PPP1R14C: variants seen among roughly 807,000 people sequenced by gnomAD.
The protein encoded by PPP1R14C is protein phosphatase 1 regulatory subunit 14C.
PPP1R14C carries 16 observed loss-of-function variants against 20.4 expected under a neutral mutation model. The ratio of observed to expected loss-of-function variants is 0.78; its 90% CI spans 0.53 to 1.19. The LOEUF (loss-of-function observed/expected upper bound fraction) is 1.19, where lower values mean the gene tolerates loss of function less well. PPP1R14C is among the 50% of genes most tolerant of loss of function. The pLI, the probability that PPP1R14C is intolerant of heterozygous loss-of-function variation, is 0.00. For missense variants in PPP1R14C, 211 were observed against 220.1 expected (o/e 0.96, Z 0.26); for synonymous variants, 91 against 91.0 (o/e 1.00, Z 0.00).
In PPP1R14C at chr6:150,208,828, G is replaced by A. The variant is rs980469899; in HGVS notation, c.307-5916G>A. On this transcript the variant is annotated intron_variant, in intron 1 of 3. Transcript: ENST00000361131. ...CCAATGTGTAAACACAGAGCAGCCC[G>A]GCACAGCGTGGTTATAGCACGGCTG... 4.6e-5 allele frequency among the ~76,000 whole-genome samples: 7 copies of A among 151,518 alleles called. No individual in the cohort carries two copies. In the South Asian group the frequency reaches 8.6e-4, roughly 19 times the overall value.
chr6:150,178,723 C>T (rs909599483), intron 1 of PPP1R14C, among the ~76,000 whole-genome samples: 6 of 152,156 alleles, frequency 3.9e-5, no homozygotes, highest in African/African-American at 1.2e-4. Flanking sequence ...GGTCTTTATA[C>T]TGTTGTTTAT....
chr6:150,143,115 G>C lies in PPP1R14C; in HGVS notation c.-78G>C. The C allele has an allele frequency of 1.7e-6, 2 of 1,163,894 alleles. No individual in the cohort carries two copies. The highest frequency in any genetic ancestry group is 8.5e-5 in the South Asian group (2 of 23,556). The allele number at this position is 1,163,894 out of a possible 1,614,324, so 72.1% of individuals were successfully genotyped here. A position where few individuals can be genotyped will look rare whatever the true frequency, so the allele number is the denominator to read the frequency against. The stretch of plus-strand genomic sequence containing the variant: ...GGAGCCCTTCGCATGCGGCTGCCGG[G>C]CCGGAGGTGGTAGCGGCGCCGGGCG... On this transcript the variant is annotated 5_prime_UTR_variant, in exon 1 of 4. Coordinates refer to ENST00000361131, the MANE Select transcript of PPP1R14C (RefSeq NM_030949.3). This position sits in a 1 kb window ranked among gnomAD's most constrained non-coding sequence, Gnocchi z 5.6.
intron 3 of PPP1R14C, among the ~76,000 whole-genome samples, chr6:150,224,110 C>G (rs531925133): frequency 2.0e-5 from 3 of 152,282 alleles, no homozygotes; most frequent in South Asian, 4.1e-4. Context: ...AAAAGCCTAC[C>G]TTTGCTCCTT....
intron 2 of PPP1R14C, among the ~76,000 whole-genome samples, chr6:150,216,523 G>A (rs565150441): frequency 1.3e-5 from 2 of 150,904 alleles, no homozygotes; most frequent in Non-Finnish European, 1.5e-5. Context: ...AACAAAACTG[G>A]TCAAGGGTTA....
At chr6:150,154,024 T>C (rs2114853553) in intron 1 of PPP1R14C, among the ~76,000 whole-genome samples, 1 of 152,362 alleles carries the variant, frequency 6.6e-6, no homozygotes, top group Non-Finnish European at 1.5e-5. Flanking sequence ...GACCATATGA[T>C]TGAAAGCTCT....
At chr6:150,203,684 GTCTTC>G (rs56224389) in intron 1 of PPP1R14C, among the ~76,000 whole-genome samples, 18,643 of 152,162 alleles carry the variant, frequency 0.12, 1,296 homozygotes, top group South Asian at 0.26. Flanking sequence ...CAGGGGAACC[GTCTTC>G]TCTCCAAGAA....
chr6:150,242,954 G>A (rs1032325307), intron 3 of PPP1R14C, among the ~76,000 whole-genome samples: 7 of 151,972 alleles, frequency 4.6e-5, no homozygotes, highest in African/African-American at 1.7e-4. Context: ...ATATTAAATA[G>A]GAATATATCT....
intron 1 of PPP1R14C, among the ~76,000 whole-genome samples, chr6:150,206,817 G>A (rs530043187): frequency 1.2e-4 from 18 of 152,116 alleles, no homozygotes; most frequent in African/African-American, 4.3e-4. Context: ...TGGAGTCAAT[G>A]GAGTCAGGTT....
At chr6:150,147,380 A>G (rs768640729) in intron 1 of PPP1R14C, among the ~76,000 whole-genome samples, 1 of 151,980 alleles carries the variant, frequency 6.6e-6, no homozygotes, top group Non-Finnish European at 1.5e-5. Flanking sequence ...GGGTTTCACT[A>G]TGTTGGCCAG....
chr6:150,229,916 G>A (rs1248694757), intron 3 of PPP1R14C, among the ~76,000 whole-genome samples: 1 of 152,196 alleles, frequency 6.6e-6, no homozygotes, highest in Non-Finnish European at 1.5e-5. Flanking sequence ...TCAGTGGTGA[G>A]TGATGGTGGG....
chr6:150,214,471 T>C (rs1034545205), intron 1 of PPP1R14C, among the ~76,000 whole-genome samples: 9 of 151,440 alleles, frequency 5.9e-5, no homozygotes, highest in African/African-American at 2.2e-4. Flanking sequence ...TACTCTCCTT[T>C]TCCTTCCTTC....
intron 3 of PPP1R14C, among the ~76,000 whole-genome samples, chr6:150,246,036 G>A (rs1374436449): frequency 5.9e-5 from 9 of 152,064 alleles, no homozygotes; most frequent in African/African-American, 1.9e-4. Context: ...AAGGCAAATA[G>A]CATTTATTTA....
intron 1 of PPP1R14C, among the ~76,000 whole-genome samples, chr6:150,192,560 T>C (rs1413393626): frequency 6.6e-6 from 1 of 152,322 alleles, no homozygotes; most frequent in East Asian, 1.9e-4. Context: ...CATGGACCAG[T>C]ACCACTGTGC....
At chr6:150,173,203 A>AT (rs945450382) in intron 1 of PPP1R14C, among the ~76,000 whole-genome samples, 4 of 151,800 alleles carry the variant, frequency 2.6e-5, no homozygotes, top group Admixed American at 2.6e-4. Flanking sequence ...AGATCTCCCC[A>AT]TTTTTTCCAC....
intron 1 of PPP1R14C, chr6:150,164,623 A>C: frequency 5.2e-6 from 1 of 192,432 alleles, no homozygotes; most frequent in Admixed American, 4.6e-5. Flanking sequence ...GGGTGTTCAC[A>C]TGCATGTGTG....
Position 150,249,038 on chromosome 6 carries a change from CA to C in PPP1R14C, c.*221del, listed in dbSNP as rs1778529869. ...TTTTGTTAATGTAATATTTTAATAG[CA>C]AAGATATCATGACTCTAGCCACAGC... On this transcript the variant is annotated 3_prime_UTR_variant, in exon 4 of 4. Coordinates refer to ENST00000361131, the MANE Select transcript of PPP1R14C (RefSeq NM_030949.3). The C allele has an allele frequency of 4.2e-6, 2 of 471,732 alleles. No individual in the cohort carries two copies. Among genetic ancestry groups the C allele is most frequent in the South Asian group, 1.0e-4 (2 of 19,788 alleles). The allele number at this position is 471,732 out of a possible 1,614,324, so 29.2% of individuals were successfully genotyped here. A position where few individuals can be genotyped will look rare whatever the true frequency, so the allele number is the denominator to read the frequency against.
chr6:150,201,882 G>T lies in PPP1R14C; in HGVS notation c.307-12862G>T, dbSNP rs970354636. ...GATGGTGGCGACAGGGAGAGGAGGG[G>T]TCAGGAGTGAAGTATTCCATGAACC... On this transcript the variant is annotated intron_variant, in intron 1 of 3. Transcript: ENST00000361131. The surrounding 1 kb of genome is among the most constrained non-coding windows in gnomAD (Gnocchi z 4.2). Among the ~76,000 whole-genome samples, 1 of 152,090 alleles carries T rather than the reference G, an allele frequency of 6.6e-6. No individual in the cohort carries two copies. Among genetic ancestry groups the T allele is most frequent in the Non-Finnish European group, 1.5e-5 (1 of 68,022 alleles).
intron 3 of PPP1R14C, among the ~76,000 whole-genome samples, chr6:150,220,599 G>A (rs573021196): frequency 4.0e-4 from 61 of 152,336 alleles, no homozygotes; most frequent in African/African-American, 1.4e-3. Flanking sequence ...CTGCAGACAC[G>A]CATTCACTAA....
chr6:150,159,382 T>G (rs1777340136), intron 1 of PPP1R14C, among the ~76,000 whole-genome samples: 1 of 152,230 alleles, frequency 6.6e-6, no homozygotes, highest in Non-Finnish European at 1.5e-5. Context: ...GCCACTGCTG[T>G]GTGGCTTGTC....
Sources: allele counts gnomAD v4.1 joint callset (sites outside exome capture counted in the v4.1 genomes callset), GRCh38; gene constraint gnomAD v4.1.1; non-coding constraint Gnocchi (gnomAD v3.1); transcripts MANE v1.5; gene names NCBI Gene and HGNC (gene_info 2026-07-23, HGNC 2026-07-21).